The following TBPL1 variants were observed in gnomAD, a reference collection of about 807,000 sequenced individuals.
The protein encoded by TBPL1 is TATA-box binding protein like 1.
Under a neutral mutation model 22.1 loss-of-function variants are expected in TBPL1, and 4 were observed. That is an observed-to-expected ratio of 0.18 (90% CI 0.09 to 0.41). The LOEUF (loss-of-function observed/expected upper bound fraction) is 0.41, where lower values mean the gene tolerates loss of function less well. Among genes scored for constraint, TBPL1 ranks in the 10% least tolerant of loss-of-function variants. The pLI, the probability that TBPL1 is intolerant of heterozygous loss-of-function variation, is 1.00. For synonymous variants in TBPL1, 64 were observed against 71.0 expected, an observed-to-expected ratio of 0.90 and a Z score of 0.50; for missense variants, 115 against 222.3, an observed-to-expected ratio of 0.52 and a Z score of 3.07.
chr6:133,971,641 TGG>T (rs1776223868), intron 1 of TBPL1, among the ~76,000 whole-genome samples: 1 of 152,118 alleles, frequency 6.6e-6, no homozygotes, highest in African/African-American at 2.4e-5. Context: ...TGGAGTGAGG[TGG>T]TATCTCATTG....
chr6:133,981,934 C>T (rs569499069), intron 2 of TBPL1, among the ~76,000 whole-genome samples: 30 of 152,338 alleles, frequency 2.0e-4, no homozygotes, highest in Admixed American at 1.0e-3. Context: ...TTTCCAATTA[C>T]ATCTCCAGCT....
chr6:133,968,112 C>A (rs1197961562), intron 1 of TBPL1, among the ~76,000 whole-genome samples: 1 of 151,878 alleles, frequency 6.6e-6, no homozygotes, highest in African/African-American at 2.4e-5. Context: ...TCAGCCTCCC[C>A]CAAGTAGCTG....
At chr6:133,982,200 A>C (rs376459519) in intron 2 of TBPL1, among the ~76,000 whole-genome samples, 8 of 152,328 alleles carry the variant, frequency 5.3e-5, no homozygotes, top group African/African-American at 1.7e-4. Flanking sequence ...TGAAAGCAAC[A>C]GCTACTGCAA....
At chr6:133,962,054 T>G (rs1378015892) in intron 1 of TBPL1, among the ~76,000 whole-genome samples, 3 of 151,430 alleles carry the variant, frequency 2.0e-5, no homozygotes, top group East Asian at 3.9e-4. Flanking sequence ...GTTGAAGGAG[T>G]GGGGAAAGGA....
rs1415416078 is a variant in TBPL1 at position 133,988,633 on chromosome 6, C to G, written c.*1593C>G. ...TTTTCTTCTCAATGCCTTCCCTAAC[C>G]TCCTGCTTATTCCAAAGTGGAAAGC... On this transcript the variant is annotated 3_prime_UTR_variant, in exon 7 of 7. Coordinates refer to ENST00000237264, the MANE Select transcript of TBPL1 (RefSeq NM_004865.4). 1 of 151,790 alleles carries G rather than the reference C, an allele frequency of 6.6e-6. No homozygotes were observed. Among genetic ancestry groups the G allele is most frequent in the Non-Finnish European group, 1.5e-5 (1 of 68,022 alleles). The allele number at this position is 151,790 out of a possible 1,614,324, so 9.4% of individuals were successfully genotyped here. A position where few individuals can be genotyped will look rare whatever the true frequency, so the allele number is the denominator to read the frequency against.
At chr6:133,982,517 C>CTTATGTGAAAAATAA in intron 2 of TBPL1, 51 bp from the exon 3 acceptor site, 4 of 1,533,760 alleles carry the variant, frequency 2.6e-6, no homozygotes, top group Non-Finnish European at 3.6e-6. Context: ...AGAACAGAAC[C>CTTATGTGAAAAATAA]TTATGTGAAA....
At chr6:133,964,225 C>G (rs1776078293) in intron 1 of TBPL1, among the ~76,000 whole-genome samples, 1 of 152,146 alleles carries the variant, frequency 6.6e-6, no homozygotes, top group African/African-American at 2.4e-5. Flanking sequence ...CTTCTGATCT[C>G]TAGCCAAGTT....
intron 1 of TBPL1, among the ~76,000 whole-genome samples, chr6:133,961,154 T>C (rs1001025780): frequency 5.9e-5 from 9 of 152,312 alleles, no homozygotes; most frequent in African/African-American, 1.9e-4. Context: ...GTGAAAGATA[T>C]CTACTGTTTA....
In TBPL1 at chr6:133,982,993, C is replaced by T. The variant is rs1005343525; in HGVS notation, c.282+113C>T. ...TATGCGTACTATTCTTATGATTAAA[C>T]TTTTTCTAGGTTTTTTAATACTGCC... is the stretch of plus-strand genomic sequence containing the variant. On this transcript the variant is annotated intron_variant, in intron 4 of 6. Coordinates refer to ENST00000237264, the MANE Select transcript of TBPL1 (RefSeq NM_004865.4). 5.9e-6 allele frequency: 6 copies of T among 1,015,906 alleles called. No homozygotes were observed. In the Admixed American group the frequency reaches 1.7e-4, roughly 30 times the overall value. The allele number at this position is 1,015,906 out of a possible 1,614,324, so 62.9% of individuals were successfully genotyped here.
intron 1 of TBPL1, among the ~76,000 whole-genome samples, chr6:133,979,538 A>G (rs1776372189): frequency 6.6e-6 from 1 of 152,096 alleles, no homozygotes; most frequent in African/African-American, 2.4e-5. Flanking sequence ...GTCAAGTAAA[A>G]GTTACTTTTT....
At chr6:133,975,996 G>A (rs1015880758) in intron 1 of TBPL1, among the ~76,000 whole-genome samples, 81 of 152,080 alleles carry the variant, frequency 5.3e-4, no homozygotes, top group African/African-American at 1.9e-3. Flanking sequence ...TGTATTTTTG[G>A]TGGAGTTGCT....
chr6:133,954,967 A>G (rs1775901674), intron 1 of TBPL1, among the ~76,000 whole-genome samples: 1 of 152,194 alleles, frequency 6.6e-6, no homozygotes, highest in African/African-American at 2.4e-5. Context: ...TGTTAAAGGA[A>G]TTTCATTCAT....
At chr6:133,952,462 T>C (rs1775848490), upstream of TBPL1, 2 of 152,344 alleles carry the variant, frequency 1.3e-5, no homozygotes, top group Admixed American at 1.3e-4. This position sits in a 1 kb window ranked among gnomAD's most constrained non-coding sequence, Gnocchi z 4.5. Context: ...CAAACCCACG[T>C]AGAGTAAGGA....
chr6:133,966,123 G>T (rs530171184), intron 1 of TBPL1, among the ~76,000 whole-genome samples: 1 of 152,116 alleles, frequency 6.6e-6, no homozygotes, highest in South Asian at 2.1e-4. Context: ...TGTGTGTGTC[G>T]TGTGGGTGTG....
intron 1 of TBPL1, among the ~76,000 whole-genome samples, chr6:133,977,559 T>C (rs892489667): frequency 1.3e-5 from 2 of 152,216 alleles, no homozygotes; most frequent in African/African-American, 4.8e-5. Context: ...CTGTTTGATA[T>C]AAAAACAAGT....
In TBPL1 at chr6:133,962,089, G is replaced by A. The variant is rs560439516; in HGVS notation, c.-45+8664G>A. On this transcript the variant is annotated intron_variant, in intron 1 of 6. Transcript: ENST00000237264. ...ACGATTTAGGCAGCTATAAAACCGC[G>A]AAACAGTCTGTTATTGGAAGAGGAA... Among the ~76,000 whole-genome samples, 112 of 152,214 alleles carry A rather than the reference G, an allele frequency of 7.4e-4. 1 individual carries two copies. Among genetic ancestry groups the A allele is most frequent in the African/African-American group, 2.6e-3 (107 of 41,536 alleles).
chr6:133,969,583 C>T (rs1319523359), intron 1 of TBPL1, among the ~76,000 whole-genome samples: 3 of 152,088 alleles, frequency 2.0e-5, no homozygotes, highest in Non-Finnish European at 2.9e-5. Context: ...GTAAAATATA[C>T]AGTCTTTTTC....
intron 1 of TBPL1, among the ~76,000 whole-genome samples, chr6:133,974,910 G>A (rs949851534): frequency 1.3e-5 from 2 of 152,138 alleles, no homozygotes; most frequent in African/African-American, 2.4e-5. Flanking sequence ...AATATCATTA[G>A]AATTAAGGGA....
At chr6:133,986,247 AGT>A (rs1471136457) in intron 6 of TBPL1, among the ~76,000 whole-genome samples, 1 of 152,156 alleles carries the variant, frequency 6.6e-6, no homozygotes, top group African/African-American at 2.4e-5. Flanking sequence ...AAAGAGGTTA[AGT>A]GTGTATTGGT....
Sources: gnomAD v4.1 joint callset for allele counts (sites outside exome capture counted in the v4.1 genomes callset) on GRCh38, gnomAD v4.1.1 for gene constraint, Gnocchi (gnomAD v3.1) non-coding constraint, MANE v1.5 for transcripts, NCBI Gene and HGNC (gene_info 2026-07-23, HGNC 2026-07-21) for gene names.